The following DTNA variants were observed in gnomAD, a reference collection of about 807,000 sequenced individuals.
DTNA encodes dystrophin-related protein 3.
In DTNA, 43 loss-of-function variants were observed where a neutral mutation model predicts 100.7. The ratio of observed to expected loss-of-function variants is 0.43; its 90% CI spans 0.33 to 0.55. The LOEUF is 0.55. DTNA is among the 20% of genes least tolerant of loss of function. DTNA has a pLI of 0.04. For synonymous variants in DTNA, 349 were observed against 347.9 expected (o/e 1.00, Z -0.04); for missense variants, 798 against 953.9 (o/e 0.84, Z 2.15).
At chr18:34,883,538 G>T (rs1399091557) in intron 21 of DTNA, among the ~76,000 whole-genome samples, 1 of 151,934 alleles carries the variant, frequency 6.6e-6, no homozygotes, top group Non-Finnish European at 1.5e-5. Flanking sequence ...TTGAACTCCT[G>T]GTCTCAAGTG....
chr18:34,715,006 A>G (rs1478794920), intron 1 of DTNA, among the ~76,000 whole-genome samples: 1 of 142,902 alleles, frequency 7.0e-6, no homozygotes, highest in Non-Finnish European at 1.5e-5. Context: ...GAATTGAACA[A>G]TGAGATCACA....
chr18:34,682,834 A>G (rs1436092097), intron 1 of DTNA, among the ~76,000 whole-genome samples: 2 of 152,008 alleles, frequency 1.3e-5, no homozygotes, highest in Non-Finnish European at 1.5e-5. Context: ...TGTTTTTTTA[A>G]AAACTGAAAA....
intron 20 of DTNA, among the ~76,000 whole-genome samples, chr18:34,880,935 T>A (rs929787001): frequency 6.6e-6 from 1 of 152,232 alleles, no homozygotes; most frequent in Non-Finnish European, 1.5e-5. Context: ...CTTTTTATTA[T>A]TAAGCATTTA....
intron 17 of DTNA, among the ~76,000 whole-genome samples, chr18:34,871,108 C>A (rs1193135053): frequency 6.6e-6 from 1 of 152,208 alleles, no homozygotes; most frequent in South Asian, 2.1e-4. Context: ...CTCAGCCAAA[C>A]TGAGAGGCAG....
intron 1 of DTNA, among the ~76,000 whole-genome samples, chr18:34,569,048 T>C (rs1598637154): frequency 6.6e-6 from 1 of 152,324 alleles, no homozygotes; most frequent in East Asian, 1.9e-4. Context: ...ACTTTGACCC[T>C]TAACAGGAGG....
chr18:34,806,137 C>G (rs11664472), intron 4 of DTNA, 82 bp from the exon 5 acceptor site: 1 of 1,211,586 alleles, frequency 8.3e-7, no homozygotes, highest in Non-Finnish European at 1.2e-6. Context: ...AAATGTCAAA[C>G]CTTGTTGCTG....
intron 1 of DTNA, among the ~76,000 whole-genome samples, chr18:34,520,978 C>G (rs768636983): frequency 7.9e-5 from 12 of 152,168 alleles, no homozygotes; most frequent in Non-Finnish European, 1.8e-4. Flanking sequence ...GTAACAATAA[C>G]AACCACAACA....
In DTNA at chr18:34,860,220, G is replaced by GTATTTTTTTTTT. The variant is rs749839630; in HGVS notation, c.1646+1823_1646+1824insATTTTTTTTTTT. 6.2e-5 allele frequency among the ~76,000 whole-genome samples: 5 copies of GTATTTTTTTTTT among 80,252 alleles called. 1 individual carries two copies. The highest frequency in any genetic ancestry group is 2.4e-5 in the Non-Finnish European group (1 of 41,506). 52.6% of individuals were successfully genotyped at this position (80,252 alleles called of 152,430 possible). On this transcript the variant is annotated intron_variant, in intron 16 of 22. Transcript: ENST00000444659. ...TGCCACCACGCCCGGCTAATTTTTT[G>GTATTTTTTTTTT]TTTTTTTTTTTTTTTTTTTTTTTTT... is the stretch of plus-strand genomic sequence containing the variant.
At chr18:34,745,224 C>T (rs1016501046) in intron 1 of DTNA, among the ~76,000 whole-genome samples, 7 of 152,072 alleles carry the variant, frequency 4.6e-5, no homozygotes, top group Non-Finnish European at 1.0e-4. Flanking sequence ...TCCCAACTCT[C>T]CAAACTCAGC....
intron 3 of DTNA, among the ~76,000 whole-genome samples, chr18:34,779,239 T>C (rs1384457616): frequency 6.6e-6 from 1 of 152,170 alleles, no homozygotes; most frequent in African/African-American, 2.4e-5. Flanking sequence ...CTTATCACTG[T>C]TTACATCCTC....
chr18:34,781,469 A>G (rs1370172177), intron 3 of DTNA, among the ~76,000 whole-genome samples: 1 of 152,152 alleles, frequency 6.6e-6, no homozygotes, highest in African/African-American at 2.4e-5. Context: ...TGTGCAATAG[A>G]TCACTAAAAC....
chr18:34,835,401 G>T (rs542192046), intron 11 of DTNA, among the ~76,000 whole-genome samples: 1 of 152,300 alleles, frequency 6.6e-6, no homozygotes, highest in South Asian at 2.1e-4. Context: ...ACTGGCAAGG[G>T]CCAACACAAA....
intron 1 of DTNA, among the ~76,000 whole-genome samples, chr18:34,605,170 T>C (rs1349069607): frequency 6.6e-6 from 1 of 152,112 alleles, no homozygotes; most frequent in Non-Finnish European, 1.5e-5. Flanking sequence ...CAATTTTTTC[T>C]TGGAATTTTC....
chr18:34,819,599 A>T (rs951386638), intron 8 of DTNA, among the ~76,000 whole-genome samples: 1 of 152,234 alleles, frequency 6.6e-6, no homozygotes, highest in African/African-American at 2.4e-5. Flanking sequence ...GTTGTTTTAC[A>T]TAAATGCTAA....
At chr18:34,557,622 C>CT (rs2046208393) in intron 1 of DTNA, among the ~76,000 whole-genome samples, 2 of 151,728 alleles carry the variant, frequency 1.3e-5, no homozygotes, top group South Asian at 2.1e-4. Context: ...TTGGAATACC[C>CT]TGCCGTGTGA....
chr18:34,840,209 ACT>A (rs2096242862), intron 13 of DTNA, among the ~76,000 whole-genome samples: 1 of 151,962 alleles, frequency 6.6e-6, no homozygotes, highest in Non-Finnish European at 1.5e-5. Context: ...ATAAAAATGC[ACT>A]CTTTGGCTGA....
At chr18:34,810,883 C>T (rs993455529) in intron 5 of DTNA, among the ~76,000 whole-genome samples, 10 of 152,084 alleles carry the variant, frequency 6.6e-5, no homozygotes, top group South Asian at 2.1e-4. Context: ...TTTGAAACAG[C>T]GGAAACCCTT....
intron 1 of DTNA, among the ~76,000 whole-genome samples, chr18:34,506,818 T>G (rs1292397648): frequency 1.3e-5 from 2 of 152,166 alleles, no homozygotes; most frequent in Admixed American, 1.3e-4. Flanking sequence ...CTTTGTATGT[T>G]TATTTAATAT....
In DTNA at chr18:34,792,008, A is replaced by G. The variant is rs571372225; in HGVS notation, c.149-2029A>G. The stretch of plus-strand genomic sequence containing the variant: ...TGAGCACAGGTATCTTCCCTTCATA[A>G]CATAAAACATTATTTTGAGTAATTG... On this transcript the variant is annotated intron_variant, in intron 3 of 22. Transcript: ENST00000444659. Among the ~76,000 whole-genome samples, 6 of 152,332 alleles carry G rather than the reference A, an allele frequency of 3.9e-5. No individual in the cohort carries two copies. The South Asian group carries it at 8.3e-4, about 21-fold the overall frequency.
Sources: gnomAD v4.1 joint callset for allele counts (sites outside exome capture counted in the v4.1 genomes callset) on GRCh38, gnomAD v4.1.1 for gene constraint, MANE v1.5 for transcripts, NCBI Gene and HGNC (gene_info 2026-07-23, HGNC 2026-07-21) for gene names.